AGAP2: variants seen among roughly 807,000 people sequenced by gnomAD.
AGAP2 encodes ArfGAP with GTPase domain, ankyrin repeat and PH domain 2, also known as arf-GAP with GTPase, ANK repeat and PH domain-containing protein 2.
Under a neutral mutation model 110.9 loss-of-function variants are expected in AGAP2, and 32 were observed. The observed-to-expected ratio is 0.29, with a 90% CI of 0.22 to 0.39. The LOEUF is 0.39. Among genes scored for constraint, AGAP2 ranks in the 10% least tolerant of loss-of-function variants. The pLI is 1.00. For missense variants in AGAP2, 1,285 were observed against 1,638.5 expected, an observed-to-expected ratio of 0.78 and a Z score of 3.72; for synonymous variants, 702 against 713.0, an observed-to-expected ratio of 0.98 and a Z score of 0.25.
At position 57,738,353 on chromosome 12, in the gene AGAP2, C is replaced by A; in HGVS notation, c.-107G>T. On this transcript the variant is annotated 5_prime_UTR_variant, in exon 1 of 19. Coordinates refer to ENST00000547588, the MANE Select transcript of AGAP2 (RefSeq NM_001122772.3). The surrounding 1 kb of genome is among the most constrained non-coding windows in gnomAD (Gnocchi z 6.7). ...GCTCGCTGCCCCCAGCCCCCGGACC[C>A]CGCTGAGCCCCCGGCCCGGCTCCGC... The A allele has an allele frequency of 7.9e-7, 1 of 1,258,066 alleles. No homozygotes were observed. The highest frequency in any genetic ancestry group is 3.4e-5 in the East Asian group (1 of 29,204). 77.9% of individuals were successfully genotyped at this position (1,258,066 alleles called of 1,614,324 possible).
Position 57,732,498 on chromosome 12 carries a change from C to A in AGAP2, c.1699G>T (p.Val567Leu). ...RVFQEVAQKV[V>L]TLRKQQQLLA... Reference sequence around the variant, plus strand: ...AGCTGTTGCTGCTTGCGCAAGGTCACCACCTTCTGGGCCACTGAGGGGAGT... The same window carrying A: ...AGCTGTTGCTGCTTGCGCAAGGTCAACACCTTCTGGGCCACTGAGGGGAGT... Residue 567 changes from valine (V) to leucine (L), a missense_variant, in exon 7 of 19, where the codon GTG becomes TTG. By Grantham distance (32) the Val-to-Leu change is conservative (BLOSUM62 1). Transcript: ENST00000547588. The A allele has an allele frequency of 1.3e-6, 2 of 1,586,950 alleles. No individual in the cohort carries two copies. Among genetic ancestry groups the A allele is most frequent in the Non-Finnish European group, 1.7e-6 (2 of 1,165,656 alleles).
In AGAP2 at chr12:57,732,403, C is replaced by G. The variant is rs551915207; in HGVS notation, c.1794G>C (p.Gln598His). ...TGCAGACTCTGAAACCCCAACTCAC[C>G]TGGCCAGCTACCGGAGTGGATGCAG... ...HSAASTPVAG[Q>H]ASNGGHTSDY... Residue 598 changes from glutamine to histidine, a missense_variant and splice_region_variant, in exon 7 of 19, where the codon CAG becomes CAC. Around this residue, in one of 7 missense-constraint regions of AGAP2, gnomAD observed 844 missense variants for 941.2 expected, o/e 0.90. Coordinates refer to ENST00000547588, the MANE Select transcript of AGAP2 (RefSeq NM_001122772.3). 6.3e-7 allele frequency: 1 copy of G among 1,594,876 alleles called. No individual in the cohort carries two copies. The highest frequency in any genetic ancestry group is 1.3e-5 in the African/African-American group (1 of 74,792).
Position 57,738,305 on chromosome 12 carries a change from G to T in AGAP2, c.-59C>A. The T allele has an allele frequency of 7.1e-7, 1 of 1,400,380 alleles. No homozygotes were observed. The highest frequency in any genetic ancestry group is 9.2e-7 in the Non-Finnish European group (1 of 1,083,196). 86.7% of individuals were successfully genotyped at this position (1,400,380 alleles called of 1,614,324 possible). On this transcript the variant is annotated 5_prime_UTR_variant, in exon 1 of 19. Coordinates refer to ENST00000547588, the MANE Select transcript of AGAP2 (RefSeq NM_001122772.3). This position sits in a 1 kb window ranked among gnomAD's most constrained non-coding sequence, Gnocchi z 6.7. ...GGGACTCCCCCGGACTGCCTCAGGG[G>T]GGCCCGGCCATGGGGCCGCCCTGCT...
rs930332207 is a variant in AGAP2, at chr12:57,738,343, CCCCCGGA to C, written c.-104_-98del. ...GGGCCGCCCTGCTCGCTGCCCCCAG[CCCCCGGA>C]CCCCGCTGAGCCCCCGGCCCGGCTC... On this transcript the variant is annotated 5_prime_UTR_variant, in exon 1 of 19. It introduces an in-frame stop codon into an upstream open reading frame of the 5' UTR. Transcript: ENST00000547588. This position sits in a 1 kb window ranked among gnomAD's most constrained non-coding sequence, Gnocchi z 6.7. 1,084 of 1,288,862 alleles carry C rather than the reference CCCCCGGA, an allele frequency of 8.4e-4. 2 individuals are homozygous for C. Among genetic ancestry groups the C allele is most frequent in the Non-Finnish European group, 1.0e-3 (1,031 of 1,017,586 alleles). The allele number at this position is 1,288,862 out of a possible 1,614,324, so 79.8% of individuals were successfully genotyped here.
Position 57,728,382 on chromosome 12 carries a change from TTTCCC to T in AGAP2, c.2558-10_2558-6del, listed in dbSNP as rs1954816009. 6.2e-7 allele frequency: 1 copy of T among 1,613,728 alleles called. No homozygotes were observed. The highest frequency in any genetic ancestry group is 1.7e-5 in the Admixed American group (1 of 60,000). On this transcript the variant is annotated splice_polypyrimidine_tract_variant and splice_region_variant and intron_variant, in intron 13 of 18. Transcript: ENST00000547588. ...GTTTCCACATTTTGCGCTTGGCTGG[TTTCCC>T]GAAGCGAAGGAGATAGAGATAGAAT... is the stretch of plus-strand genomic sequence containing the variant.
rs1337708230 is a variant in AGAP2, at chr12:57,728,104, G to A, written c.2618-19C>T. On this transcript the variant is annotated intron_variant, in intron 14 of 18. Coordinates refer to ENST00000547588, the MANE Select transcript of AGAP2 (RefSeq NM_001122772.3). ...TTTTCCTCTGAGTGGGGGATGGGATGGGGTCATTAAGGGACAGAGTTCAAG... is the reference window on the plus strand; with the variant it reads ...TTTTCCTCTGAGTGGGGGATGGGATAGGGTCATTAAGGGACAGAGTTCAAG... The A allele has an allele frequency of 5.1e-6, 8 of 1,579,270 alleles. No homozygotes were observed. Among genetic ancestry groups the A allele is most frequent in the Non-Finnish European group, 6.9e-6 (8 of 1,163,092 alleles).
downstream of AGAP2, chr12:57,724,068 C>T (rs948778062): frequency 1.1e-4 from 17 of 152,768 alleles, 1 homozygote; most frequent in African/African-American, 3.9e-4. Context: ...AGACCACACA[C>T]CTGCCTCTGT....
intron 13 of AGAP2, among the ~76,000 whole-genome samples, chr12:57,728,784 TG>T (rs911025924): frequency 6.0e-5 from 9 of 150,568 alleles, no homozygotes; most frequent in African/African-American, 2.2e-4. Context: ...CTGGTGGCGG[TG>T]GGGGTGCGGG....
At chr12:57,734,817 G>C in intron 2 of AGAP2, 138 bp from the exon 3 acceptor site, 2 of 740,290 alleles carry the variant, frequency 2.7e-6, no homozygotes, top group Admixed American at 4.3e-5. Context: ...TCATTCCAGA[G>C]AGAGCAGTTG....
rs549761142 is a variant in AGAP2 at position 57,733,880 on chromosome 12, T to C, written c.1549+146A>G. The C allele has an allele frequency of 8.6e-5, 78 of 907,434 alleles. 1 individual carries two copies. In the South Asian group the frequency reaches 1.9e-3, roughly 22 times the overall value. The allele number at this position is 907,434 out of a possible 1,614,324, so 56.2% of individuals were successfully genotyped here. A position where few individuals can be genotyped will look rare whatever the true frequency, so the allele number is the denominator to read the frequency against. ...ATTGTTTGGTTTCATGACTCCCTTA[T>C]TTGGAGACCAGGCTCCCTCCAGAAG... On this transcript the variant is annotated intron_variant, in intron 5 of 18. Transcript: ENST00000547588.
chr12:57,734,433 G>C, intron 3 of AGAP2, 29 bp from the exon 4 acceptor site: 1 of 1,612,088 alleles, frequency 6.2e-7, no homozygotes, highest in Non-Finnish European at 8.5e-7. Flanking sequence ...AGGGGTAACA[G>C]GTCAGAGGTG....
chr12:57,733,881 T>C, intron 5 of AGAP2, 145 bp downstream of exon 5: 2 of 910,576 alleles, frequency 2.2e-6, no homozygotes, highest in Non-Finnish European at 3.1e-6. Context: ...ACTCCCTTAT[T>C]TGGAGACCAG....
chr12:57,727,296 C>T, intron 17 of AGAP2, 64 bp downstream of exon 17: 2 of 1,610,010 alleles, frequency 1.2e-6, no homozygotes, highest in Non-Finnish European at 1.7e-6. Context: ...CCCCTACCCA[C>T]GGGACCGTCT....
upstream of AGAP2, among the ~76,000 whole-genome samples, chr12:57,740,339 G>T (rs936476053): frequency 6.6e-6 from 1 of 152,088 alleles, no homozygotes; most frequent in African/African-American, 2.4e-5. Flanking sequence ...GAACCAAGAT[G>T]ACACCATCCC....
chr12:57,735,524 C>CA (rs1163719974), intron 1 of AGAP2, 97 bp from the exon 2 acceptor site: 1 of 1,163,824 alleles, frequency 8.6e-7, no homozygotes, highest in Non-Finnish European at 1.3e-6. Context: ...TTCCAACCCC[C>CA]CCCCAACCCT....
chr12:57,729,745 C>A lies in AGAP2; in HGVS notation c.2451G>T (p.Leu817=), dbSNP rs201187462. Residue 817 remains leucine, a synonymous_variant, in exon 13 of 19, where the codon CTG becomes CTT. Transcript: ENST00000547588. ...LSTDCTPSGD[L]SPLSREPPPS... is the part of the protein sequence containing the mutation. ...GAGGGGGTTCCCGACTCAGGGGGCT[C>A]AGGTCTCCAGATGGGGTACAGTCTT... 8 of 1,613,320 alleles carry A rather than the reference C, an allele frequency of 5.0e-6. No homozygotes were observed. The highest frequency in any genetic ancestry group is 6.8e-6 in the Non-Finnish European group (8 of 1,179,552).
chr12:57,729,745 C>T lies in AGAP2; in HGVS notation c.2451G>A (p.Leu817=). ...GAGGGGGTTCCCGACTCAGGGGGCT[C>T]AGGTCTCCAGATGGGGTACAGTCTT... ...LSTDCTPSGD[L]SPLSREPPPS... The change falls in exon 13 of 19, where the codon CTG becomes CTA. Residue 817 remains leucine (L), a synonymous_variant. Transcript: ENST00000547588. 6.2e-7 allele frequency: 1 copy of T among 1,613,320 alleles called. No homozygotes were observed. The highest frequency in any genetic ancestry group is 8.5e-7 in the Non-Finnish European group (1 of 1,179,552).
intron 2 of AGAP2, 107 bp from the exon 3 acceptor site, chr12:57,734,786 C>A: frequency 1.1e-6 from 1 of 950,454 alleles, no homozygotes; most frequent in Non-Finnish European, 1.7e-6. Context: ...CAAGCAGGAC[C>A]CTACAGGGCC....
rs1565790834 is a variant in AGAP2 at position 57,727,745 on chromosome 12, G to A, written c.2793C>T (p.Ala931=). Reference sequence around the variant, plus strand: ...CGTTCCGGATCGCCTGGATGGCCACGGCCTCGCTTTGGCTGTCTGTGCGCA... The same window carrying A: ...CGTTCCGGATCGCCTGGATGGCCACAGCCTCGCTTTGGCTGTCTGTGCGCA... The part of the protein sequence containing the change: ...VKLRTDSQSE[A]VAIQAIRNAK... Residue 931 remains alanine, a synonymous_variant, in exon 16 of 19, where the codon GCC becomes GCT. Coordinates refer to ENST00000547588, the MANE Select transcript of AGAP2 (RefSeq NM_001122772.3). 3 of 1,588,822 alleles carry A rather than the reference G, an allele frequency of 1.9e-6. No individual in the cohort carries two copies. Among genetic ancestry groups the A allele is most frequent in the Non-Finnish European group, 1.7e-6 (2 of 1,166,428 alleles).
Sources: allele counts gnomAD v4.1 joint callset (sites outside exome capture counted in the v4.1 genomes callset), GRCh38; gene constraint gnomAD v4.1.1; regional missense constraint gnomAD v4.1.1; non-coding constraint Gnocchi (gnomAD v3.1); transcripts MANE v1.5; gene names NCBI Gene and HGNC (gene_info 2026-07-23, HGNC 2026-07-21).